The following GEMIN2 variants were observed in gnomAD, a reference collection of about 807,000 sequenced individuals.
The protein encoded by GEMIN2 is gem nuclear organelle associated protein 2.
Under a neutral mutation model 45.8 loss-of-function variants are expected in GEMIN2, and 37 were observed. That is an observed-to-expected ratio of 0.81 (90% CI 0.62 to 1.06). GEMIN2 has a LOEUF of 1.06. GEMIN2 is among the 50% of genes least tolerant of loss of function. The pLI is 0.00. For synonymous variants in GEMIN2, 101 were observed against 111.5 expected, an observed-to-expected ratio of 0.91 and a Z score of 0.60; for missense variants, 335 against 321.8, an observed-to-expected ratio of 1.04 and a Z score of -0.31.
At chr14:39,121,007 T>C (rs1454612911) in intron 4 of GEMIN2, among the ~76,000 whole-genome samples, 2 of 152,224 alleles carry the variant, frequency 1.3e-5, no homozygotes, top group Non-Finnish European at 2.9e-5. Flanking sequence ...TCCCAAATAG[T>C]CCTGCGTCCT....
At chr14:39,135,609 A>T (rs747423529) in intron 9 of GEMIN2, among the ~76,000 whole-genome samples, 140 of 151,808 alleles carry the variant, frequency 9.2e-4, no homozygotes, top group Admixed American at 2.0e-4. Context: ...AAAAAGAAAA[A>T]AAAAAGGAAA....
At chr14:39,135,496 G>A (rs1298950219) in intron 9 of GEMIN2, among the ~76,000 whole-genome samples, 1 of 152,004 alleles carries the variant, frequency 6.6e-6, no homozygotes, top group Non-Finnish European at 1.5e-5. Flanking sequence ...TGAGGCAGGA[G>A]AATCACTTGA....
At chr14:39,123,588 T>C (rs535252180) in intron 5 of GEMIN2, among the ~76,000 whole-genome samples, 2 of 149,946 alleles carry the variant, frequency 1.3e-5, no homozygotes, top group East Asian at 3.9e-4. Context: ...GGAGTATAAA[T>C]AGACTCAAAT....
At chr14:39,129,778 A>T (rs1298929162) in intron 7 of GEMIN2, among the ~76,000 whole-genome samples, 1 of 151,910 alleles carries the variant, frequency 6.6e-6, no homozygotes, top group Non-Finnish European at 1.5e-5. Context: ...GTATAATCTG[A>T]ACTATACTTG....
chr14:39,132,331 G>C (rs1309941156), intron 8 of GEMIN2, among the ~76,000 whole-genome samples: 2 of 152,114 alleles, frequency 1.3e-5, no homozygotes, highest in Non-Finnish European at 2.9e-5. Flanking sequence ...AGGAGTTTGA[G>C]ACCAACCTGG....
chr14:39,114,971 C>A, intron 2 of GEMIN2, 58 bp downstream of exon 2: 2 of 814,192 alleles, frequency 2.5e-6, no homozygotes, highest in South Asian at 1.4e-5. Flanking sequence ...AAGACTAACG[C>A]TCTTCCTATA....
At chr14:39,129,937 T>G (rs1196511987) in intron 7 of GEMIN2, among the ~76,000 whole-genome samples, 1 of 127,088 alleles carries the variant, frequency 7.9e-6, no homozygotes, top group African/African-American at 3.2e-5. Context: ...CAAGTTTGTT[T>G]TTTTTTTTTT....
At chr14:39,123,765 G>T (rs2052607881) in intron 5 of GEMIN2, among the ~76,000 whole-genome samples, 1 of 117,952 alleles carries the variant, frequency 8.5e-6, no homozygotes, top group Non-Finnish European at 1.6e-5. Context: ...CCGTCATCCA[G>T]GCTGGAGTGC....
chr14:39,114,526 G>A, intron 1 of GEMIN2, 51 bp downstream of exon 1: 2 of 1,378,142 alleles, frequency 1.5e-6, no homozygotes, highest in Non-Finnish European at 2.0e-6. Flanking sequence ...CCTGCCCCTG[G>A]GTACAGCCCT....
chr14:39,117,944 AG>A (rs1436438187), intron 2 of GEMIN2, 54 bp from the exon 3 acceptor site: 21 of 831,070 alleles, frequency 2.5e-5, no homozygotes, highest in African/African-American at 2.1e-4. Context: ...CAGAGGCATG[AG>A]ATTCTAGTTT....
chr14:39,114,348 G>T lies in GEMIN2; in HGVS notation c.10G>T (p.Val4Leu). MAW[V>L]PAESAVEELM... is the part of the protein sequence containing the mutation. ...GGCTGGTTTGAAAACCATGGCGTGGGTACCAGCGGAGTCCGCAGTGGAAGA... is the reference window on the plus strand; with the variant it reads ...GGCTGGTTTGAAAACCATGGCGTGGTTACCAGCGGAGTCCGCAGTGGAAGA... The change falls in exon 1 of 10, where the codon GTA becomes TTA. Residue 4 changes from valine to leucine, a missense_variant. Val to Leu is a conservative substitution (Grantham distance 32). Transcript: ENST00000308317. The T allele has an allele frequency of 2.5e-6, 4 of 1,613,966 alleles. No homozygotes were observed. Among genetic ancestry groups the T allele is most frequent in the Non-Finnish European group, 2.5e-6 (3 of 1,179,818 alleles).
chr14:39,114,398 A>T lies in GEMIN2; in HGVS notation c.60A>T (p.Val20=), dbSNP rs763208397. 25 of 1,613,816 alleles carry T rather than the reference A, an allele frequency of 1.5e-5. No homozygotes were observed. The East Asian group carries it at 5.6e-4, about 36-fold the overall frequency. Residue 20 remains valine (V), a synonymous_variant, in exon 1 of 10, where the codon GTA becomes GTT. Coordinates refer to ENST00000308317, the MANE Select transcript of GEMIN2 (RefSeq NM_003616.3). The part of the protein sequence containing the change: ...VEELMPRLLP[V]EPCDLTEGFD... The stretch of plus-strand genomic sequence containing the variant: ...AGTTGATGCCTCGGCTATTGCCGGT[A>T]GAGCCTTGCGACTTGACGGAAGGTT...
In GEMIN2 at chr14:39,132,094, T is replaced by C. The variant is rs1483454733; in HGVS notation, c.711+26T>C. On this transcript the variant is annotated intron_variant, in intron 8 of 9. Transcript: ENST00000308317. ...GTAAGTTGCAACTTACTGTTTAAAA[T>C]TAAAAGCACCCACCAATTTATATGG... 2.9e-6 allele frequency: 3 copies of C among 1,038,420 alleles called. No individual in the cohort carries two copies. The South Asian group carries it at 3.9e-5, about 14-fold the overall frequency. The allele number at this position is 1,038,420 out of a possible 1,614,324, so 64.3% of individuals were successfully genotyped here. A position where few individuals can be genotyped will look rare whatever the true frequency, so the allele number is the denominator to read the frequency against.
intron 6 of GEMIN2, among the ~76,000 whole-genome samples, chr14:39,127,328 G>A (rs1349781583): frequency 2.2e-5 from 3 of 136,766 alleles, no homozygotes; most frequent in African/African-American, 8.2e-5. Context: ...GACCTCAGGT[G>A]TGCCATTGTT....
At chr14:39,117,061 T>C (rs1383893425) in intron 2 of GEMIN2, among the ~76,000 whole-genome samples, 1 of 152,082 alleles carries the variant, frequency 6.6e-6, no homozygotes, top group African/African-American at 2.4e-5. Context: ...TCACCTGAGG[T>C]GGGGAGTTCA....
chr14:39,122,404 A>T, intron 4 of GEMIN2, 26 bp from the exon 5 acceptor site: 1 of 1,130,464 alleles, frequency 8.8e-7, no homozygotes, highest in South Asian at 1.3e-5. Flanking sequence ...CACAGGAATA[A>T]ATCAGTTTTT....
chr14:39,118,087 A>G lies in GEMIN2; in HGVS notation c.311A>G (p.Gln104Arg). ...GTGGCACAGTTTTCAACTGTTCGAC[A>G]GGTAAGTGTCATATTTAATCTAATT... ...QQVAQFSTVR[Q>R]NVNKHRSHWK... Residue 104 changes from glutamine (Q) to arginine (R), a missense_variant and splice_region_variant, in exon 3 of 10, where the codon CAG (glutamine) becomes CGG (arginine). Physicochemically the swap from Gln to Arg is conservative, Grantham distance 43. Transcript: ENST00000308317. 1 of 1,530,580 alleles carries G rather than the reference A, an allele frequency of 6.5e-7. No individual in the cohort carries two copies. The highest frequency in any genetic ancestry group is 9.0e-7 in the Non-Finnish European group (1 of 1,108,216). 94.8% of individuals were successfully genotyped at this position (1,530,580 alleles called of 1,614,324 possible). A position where few individuals can be genotyped will look rare whatever the true frequency, so the allele number is the denominator to read the frequency against.
chr14:39,114,396 G>C lies in GEMIN2; in HGVS notation c.58G>C (p.Val20Leu), dbSNP rs1472339454. The C allele has an allele frequency of 6.2e-7, 1 of 1,613,954 alleles. No homozygotes were observed. The highest frequency in any genetic ancestry group is 8.5e-7 in the Non-Finnish European group (1 of 1,179,772). The change falls in exon 1 of 10, where the codon GTA becomes CTA. Residue 20 changes from valine (V) to leucine (L), a missense_variant. Coordinates refer to ENST00000308317, the MANE Select transcript of GEMIN2 (RefSeq NM_003616.3). ...AGAGTTGATGCCTCGGCTATTGCCG[G>C]TAGAGCCTTGCGACTTGACGGAAGG... is the stretch of plus-strand genomic sequence containing the variant. ...VEELMPRLLPVEPCDLTEGFD... is the reference protein window; with the variant it reads ...VEELMPRLLPLEPCDLTEGFD...
intron 5 of GEMIN2, among the ~76,000 whole-genome samples, chr14:39,123,025 C>T (rs1284261286): frequency 6.6e-6 from 1 of 152,048 alleles, no homozygotes; most frequent in Non-Finnish European, 1.5e-5. Flanking sequence ...AATGCATAAT[C>T]ACATCTATCA....
Sources: allele counts gnomAD v4.1 joint callset (sites outside exome capture counted in the v4.1 genomes callset), GRCh38; gene constraint gnomAD v4.1.1; transcripts MANE v1.5; gene names NCBI Gene and HGNC (gene_info 2026-07-23, HGNC 2026-07-21).